Variants in GNAI2 observed in about 807,000 individuals in gnomAD.
GNAI2 encodes the protein G protein subunit alpha i2.
Under a neutral mutation model 36.8 loss-of-function variants are expected in GNAI2, and 4 were observed. The ratio of observed to expected loss-of-function variants is 0.11; its 90% CI spans 0.05 to 0.25. GNAI2 has a LOEUF of 0.25. Among genes scored for constraint, GNAI2 ranks in the 10% least tolerant of loss-of-function variants. The pLI is 1.00. For missense variants in GNAI2, 230 were observed against 481.3 expected (o/e 0.48, Z 4.89); for synonymous variants, 194 against 194.1 (o/e 1.00, Z 0.01).
intron 1 of GNAI2, among the ~76,000 whole-genome samples, chr3:50,246,587 T>C (rs1436189384): frequency 6.6e-6 from 1 of 152,110 alleles, no homozygotes; most frequent in African/African-American, 2.4e-5. Context: ...GCGGGCCTGG[T>C]GTTGTGGGTT....
rs1007066480 is a variant in GNAI2 at position 50,252,692 on chromosome 3, C to T, written c.303+154C>T. On this transcript the variant is annotated intron_variant, in intron 3 of 8. Coordinates refer to ENST00000313601, the MANE Select transcript of GNAI2 (RefSeq NM_002070.4). This position sits in a 1 kb window ranked among gnomAD's most constrained non-coding sequence, Gnocchi z 4.1. ...CAGCCTGGCCAACTTGGTGAAACCGCGTCTCTACTAAAAATACAAAAATTA... is the reference window on the plus strand; with the variant it reads ...CAGCCTGGCCAACTTGGTGAAACCGTGTCTCTACTAAAAATACAAAAATTA... Among the ~76,000 whole-genome samples, 6 of 152,098 alleles carry T rather than the reference C, an allele frequency of 3.9e-5. No homozygotes were observed. The highest frequency in any genetic ancestry group is 2.4e-5 in the African/African-American group (1 of 41,412).
chr3:50,234,062 A>AT (rs782209651), upstream of GNAI2, among the ~76,000 whole-genome samples: 7,172 of 82,482 alleles, frequency 0.087, 617 homozygotes, highest in Non-Finnish European at 0.1. Flanking sequence ...CGCCCAGCTG[A>AT]TTTTTTTTTT....
rs920485573 is a variant in GNAI2 at position 50,252,578 on chromosome 3, G to A, written c.303+40G>A. On this transcript the variant is annotated intron_variant, in intron 3 of 8. Coordinates refer to ENST00000313601, the MANE Select transcript of GNAI2 (RefSeq NM_002070.4). The surrounding 1 kb of genome is among the most constrained non-coding windows in gnomAD (Gnocchi z 4.1). ...CCCCACCCTCTCCCACCTCCCAAAA[G>A]GTTTCGGGGTGGCTGGTTGTGGTGG... is the stretch of plus-strand genomic sequence containing the variant. The A allele has an allele frequency of 1.3e-6, 2 of 1,561,968 alleles. No individual in the cohort carries two copies. The highest frequency in any genetic ancestry group is 1.8e-6 in the Non-Finnish European group (2 of 1,141,024).
chr3:50,235,316 A>AT (rs782797873), upstream of GNAI2: 3,779 of 141,656 alleles, frequency 0.027, 50 homozygotes, highest in African/African-American at 0.041. Flanking sequence ...ATGGAAACCA[A>AT]TTTTTTTTTT....
In GNAI2 at chr3:50,236,359, G is replaced by A; in HGVS notation, c.24G>A (p.Glu8=). MGCTVSA[E]DKAAAERSKM... is the part of the protein sequence containing the mutation. ...GGATGGGCTGCACCGTGAGCGCCGAGGACAAGGCGGCGGCCGAGCGCTCTA... is the reference window on the plus strand; with the variant it reads ...GGATGGGCTGCACCGTGAGCGCCGAAGACAAGGCGGCGGCCGAGCGCTCTA... Residue 8 remains glutamate, a synonymous_variant, in exon 1 of 9, where the codon GAG becomes GAA. Transcript: ENST00000313601. The surrounding 1 kb of genome is among the most constrained non-coding windows in gnomAD (Gnocchi z 4.0). 1.3e-6 allele frequency: 2 copies of A among 1,536,660 alleles called. No homozygotes were observed. The highest frequency in any genetic ancestry group is 2.9e-5 in the African/African-American group (2 of 69,422).
upstream of GNAI2, among the ~76,000 whole-genome samples, chr3:50,233,246 C>A (rs115562295): frequency 4.3e-3 from 655 of 152,274 alleles, 5 homozygotes; most frequent in African/African-American, 0.015. Context: ...GCCATAACCA[C>A]AGGACCTGGC....
rs587638126 is a variant in GNAI2, at chr3:50,253,561, G to A, written c.464+377G>A. On this transcript the variant is annotated intron_variant, in intron 4 of 8. Coordinates refer to ENST00000313601, the MANE Select transcript of GNAI2 (RefSeq NM_002070.4). This position sits in a 1 kb window ranked among gnomAD's most constrained non-coding sequence, Gnocchi z 4.2. The stretch of plus-strand genomic sequence containing the variant: ...AGATCGAGACCATCCTGGCTAACAC[G>A]GTGAAACCCCGTCTCTACTAAAAAT... 5.9e-5 allele frequency among the ~76,000 whole-genome samples: 9 copies of A among 152,246 alleles called. No homozygotes were observed. The highest frequency in any genetic ancestry group is 4.8e-5 in the African/African-American group (2 of 41,530).
At chr3:50,236,168 C>T, upstream of GNAI2, 2 of 1,168,068 alleles carry the variant, frequency 1.7e-6, no homozygotes, top group South Asian at 4.3e-5. The surrounding 1 kb of genome is among the most constrained non-coding windows in gnomAD (Gnocchi z 4.0). Context: ...GCCCGCCCCG[C>T]CGTCGGTGCG....
chr3:50,236,492 C>G lies in GNAI2; in HGVS notation c.118+39C>G. ...CCGCACTGGGATCCTTGATTCCCAG[C>G]TCGAATCCCCAGACAAGGACTTTGA... On this transcript the variant is annotated intron_variant, in intron 1 of 8. Transcript: ENST00000313601. The surrounding 1 kb of genome is among the most constrained non-coding windows in gnomAD (Gnocchi z 4.0). 1.3e-6 allele frequency: 2 copies of G among 1,558,462 alleles called. No individual in the cohort carries two copies. Among genetic ancestry groups the G allele is most frequent in the Non-Finnish European group, 1.7e-6 (2 of 1,157,452 alleles).
Position 50,255,404 on chromosome 3 carries a change from G to A in GNAI2, c.465-788G>A, listed in dbSNP as rs970300258. Among the ~76,000 whole-genome samples the A allele has an allele frequency of 4.6e-5, 7 of 152,208 alleles. No homozygotes were observed. The highest frequency in any genetic ancestry group is 2.6e-4 in the Admixed American group (4 of 15,292). On this transcript the variant is annotated intron_variant, in intron 4 of 8. Transcript: ENST00000313601. The surrounding 1 kb of genome is among the most constrained non-coding windows in gnomAD (Gnocchi z 4.0). ...CTGAGGAACCCAGATTTCATTGGGC[G>A]CTGGGCAAAGAGCCCACTGGACCTG...
chr3:50,244,060 A>C (rs1575444746), intron 1 of GNAI2, among the ~76,000 whole-genome samples: 1 of 119,404 alleles, frequency 8.4e-6, no homozygotes, highest in Non-Finnish European at 1.6e-5. Flanking sequence ...ATGGAGTCTC[A>C]CTCTGTCACC....
chr3:50,245,384 G>T (rs1239432445), intron 1 of GNAI2, among the ~76,000 whole-genome samples: 1 of 152,210 alleles, frequency 6.6e-6, no homozygotes, highest in Non-Finnish European at 1.5e-5. Flanking sequence ...AGTTTGGGGT[G>T]ACTTTGAAGA....
intron 1 of GNAI2, chr3:50,247,119 A>G: frequency 1.4e-6 from 1 of 709,146 alleles, no homozygotes; most frequent in Non-Finnish European, 2.6e-6. Context: ...ATAAATAGTG[A>G]TAACTTTTAC....
rs142078566 is a variant in GNAI2 at position 50,255,050 on chromosome 3, A to C, written c.465-1142A>C. 5.3e-5 allele frequency among the ~76,000 whole-genome samples: 8 copies of C among 152,162 alleles called. No individual in the cohort carries two copies. The highest frequency in any genetic ancestry group is 1.0e-4 in the Non-Finnish European group (7 of 68,016). On this transcript the variant is annotated intron_variant, in intron 4 of 8. Transcript: ENST00000313601. This position sits in a 1 kb window ranked among gnomAD's most constrained non-coding sequence, Gnocchi z 4.0. ...CTGGCAGTAGGGGGCGGGGCATGGT[A>C]TGCGGGTCACAGCACATGCGTCATC...
intron 1 of GNAI2, among the ~76,000 whole-genome samples, chr3:50,244,216 A>G (rs1438682704): frequency 2.6e-5 from 4 of 151,810 alleles, no homozygotes; most frequent in African/African-American, 9.7e-5. Flanking sequence ...TTTAATAGAG[A>G]CGGGGTTTCA....
chr3:50,234,215 C>T (rs587698276), upstream of GNAI2, among the ~76,000 whole-genome samples: 31 of 151,286 alleles, frequency 2.0e-4, no homozygotes, highest in African/African-American at 7.0e-4. Context: ...TACAGGCGCC[C>T]GCCACCACGC....
At chr3:50,227,256 G>T (rs964387466), upstream of GNAI2, 4 of 965,066 alleles carry the variant, frequency 4.1e-6, no homozygotes, top group African/African-American at 6.8e-5. The surrounding 1 kb of genome is among the most constrained non-coding windows in gnomAD (Gnocchi z 5.9). Flanking sequence ...GCGGGGCAAG[G>T]GGGATGGGGT....
intron 1 of GNAI2, among the ~76,000 whole-genome samples, chr3:50,240,256 T>A (rs1190131308): frequency 6.6e-6 from 1 of 152,072 alleles, no homozygotes; most frequent in Admixed American, 6.5e-5. Flanking sequence ...GAAGGGGGGC[T>A]TCCTGGAGGA....
intron 1 of GNAI2, among the ~76,000 whole-genome samples, chr3:50,250,760 G>A (rs1177886283): frequency 1.3e-5 from 2 of 151,748 alleles, no homozygotes; most frequent in African/African-American, 4.8e-5. Context: ...CTCCTGGGCT[G>A]CACTCCTCAA....
Sources: allele counts gnomAD v4.1 joint callset (sites outside exome capture counted in the v4.1 genomes callset), GRCh38; gene constraint gnomAD v4.1.1; non-coding constraint Gnocchi (gnomAD v3.1); transcripts MANE v1.5; gene names NCBI Gene and HGNC (gene_info 2026-07-23, HGNC 2026-07-21).